PLEKHA5: variants seen among roughly 807,000 people sequenced by gnomAD.
The protein encoded by PLEKHA5 is pleckstrin homology domain-containing family A member 5.
PLEKHA5 carries 55 observed loss-of-function variants against 181.9 expected under a neutral mutation model. The ratio of observed to expected loss-of-function variants is 0.30; its 90% CI spans 0.24 to 0.38. The LOEUF is 0.38. Ranked by LOEUF, PLEKHA5 falls within the 10% of genes least tolerant of loss-of-function variation. The pLI is 1.00. For missense variants in PLEKHA5, 1,432 were observed against 1,549.5 expected, an observed-to-expected ratio of 0.92 and a Z score of 1.27; for synonymous variants, 535 against 529.4, an observed-to-expected ratio of 1.01 and a Z score of -0.15.
At chr12:19,335,418 A>G (rs1188583159) in intron 20 of PLEKHA5, among the ~76,000 whole-genome samples, 1 of 147,118 alleles carries the variant, frequency 6.8e-6, no homozygotes, top group Non-Finnish European at 1.5e-5. Flanking sequence ...CTTTTACTTT[A>G]TTTATTTTTT....
intron 3 of PLEKHA5, among the ~76,000 whole-genome samples, chr12:19,249,997 C>A (rs2064829494): frequency 6.6e-6 from 1 of 152,204 alleles, no homozygotes; most frequent in African/African-American, 2.4e-5. Flanking sequence ...GAGGGCTCTG[C>A]TCTGCATTAT....
At chr12:19,210,730 A>G (rs894831043) in intron 3 of PLEKHA5, among the ~76,000 whole-genome samples, 5 of 152,216 alleles carry the variant, frequency 3.3e-5, no homozygotes, top group Non-Finnish European at 5.9e-5. Flanking sequence ...TGCAGCAGTT[A>G]ATATCTAGCC....
intron 3 of PLEKHA5, among the ~76,000 whole-genome samples, chr12:19,244,861 G>C (rs2063365948): frequency 6.6e-6 from 1 of 152,064 alleles, no homozygotes; most frequent in Non-Finnish European, 1.5e-5. Flanking sequence ...GGCTGTTATT[G>C]GCAATATGTT....
At chr12:19,240,143 G>A (rs974506960) in intron 3 of PLEKHA5, among the ~76,000 whole-genome samples, 2 of 152,228 alleles carry the variant, frequency 1.3e-5, no homozygotes, top group African/African-American at 4.8e-5. Flanking sequence ...TGCACGATAC[G>A]GAATAAGTGA....
At chr12:19,302,064 T>G (rs754092045) in intron 15 of PLEKHA5, among the ~76,000 whole-genome samples, 12 of 152,234 alleles carry the variant, frequency 7.9e-5, no homozygotes, top group Non-Finnish European at 1.5e-4. Flanking sequence ...AGCTTATTGA[T>G]GTAGACACAG....
At chr12:19,164,935 G>A (rs1008337203) in intron 3 of PLEKHA5, among the ~76,000 whole-genome samples, 20 of 151,830 alleles carry the variant, frequency 1.3e-4, no homozygotes, top group African/African-American at 4.4e-4. Context: ...CCTCCCTGCC[G>A]TTTTTCCCCA....
At chr12:19,335,457 C>T (rs1451819187) in intron 20 of PLEKHA5, among the ~76,000 whole-genome samples, 4 of 151,262 alleles carry the variant, frequency 2.6e-5, no homozygotes, top group Admixed American at 2.6e-4. Context: ...GCACTGTCAC[C>T]CAGGGTGGAG....
intron 3 of PLEKHA5, among the ~76,000 whole-genome samples, chr12:19,173,601 T>G (rs1346801716): frequency 6.6e-6 from 1 of 152,162 alleles, no homozygotes; most frequent in African/African-American, 2.4e-5. Flanking sequence ...TTATTAGCAG[T>G]AAGACCTCAA....
At chr12:19,266,826 G>GACA in intron 8 of PLEKHA5, among the ~76,000 whole-genome samples, 1 of 152,084 alleles carries the variant, frequency 6.6e-6, no homozygotes, top group African/African-American at 2.4e-5. Flanking sequence ...TACTATAAGA[G>GACA]ACAACAATAT....
At chr12:19,167,405 A>ATTTTTTTTT (rs56086557) in intron 3 of PLEKHA5, among the ~76,000 whole-genome samples, 13 of 91,228 alleles carry the variant, frequency 1.4e-4, no homozygotes, top group East Asian at 7.4e-4. Flanking sequence ...CTGAGGCTTA[A>ATTTTTTTTT]TTTTTTTTTT....
intron 3 of PLEKHA5, among the ~76,000 whole-genome samples, chr12:19,233,964 C>T (rs1464359375): frequency 6.6e-6 from 1 of 152,158 alleles, no homozygotes; most frequent in Non-Finnish European, 1.5e-5. Flanking sequence ...TTTCCTAAAA[C>T]GTGGTTTGGG....
intron 13 of PLEKHA5, chr12:19,288,077 CAAAAAAA>C (rs9300127): frequency 2.1e-3 from 390 of 185,862 alleles, no homozygotes; most frequent in African/African-American, 0.012. Context: ...GACTCTGTCT[CAAAAAAA>C]AAAAAAAAAA....
Position 19,190,146 on chromosome 12 carries a change from C to A in PLEKHA5, c.227+57696C>A, listed in dbSNP as rs191676315. On this transcript the variant is annotated intron_variant, in intron 3 of 31. Coordinates refer to ENST00000429027, the MANE Select transcript of PLEKHA5 (RefSeq NM_001256470.2). ...CACTTCACCTTTTGAAAGAAAAAAC[C>A]CAATCTTGAAATCCTCCTTTATCTT... Among the ~76,000 whole-genome samples, 17 of 152,190 alleles carry A rather than the reference C, an allele frequency of 1.1e-4. No individual in the cohort carries two copies. In the East Asian group the frequency reaches 1.5e-3, roughly 14 times the overall value.
rs773109270 is a variant in PLEKHA5, at chr12:19,283,535, C to G, written c.1569C>G (p.Thr523=). 60 of 1,614,004 alleles carry G rather than the reference C, an allele frequency of 3.7e-5. No homozygotes were observed. The highest frequency in any genetic ancestry group is 4.8e-5 in the Non-Finnish European group (57 of 1,179,994). ...GTCAGTTTTATAACAAACAGAGCAC[C>G]CTCCCTCGACACAGTACTTTGAGTA... The part of the protein sequence containing the change: ...QQRQFYNKQS[T]LPRHSTLSSP... The change falls in exon 12 of 32, where the codon ACC becomes ACG. Residue 523 remains threonine (T), a synonymous_variant. Coordinates refer to ENST00000429027, the MANE Select transcript of PLEKHA5 (RefSeq NM_001256470.2).
intron 8 of PLEKHA5, among the ~76,000 whole-genome samples, chr12:19,268,262 C>G (rs2071232611): frequency 6.6e-6 from 1 of 152,116 alleles, no homozygotes; most frequent in Non-Finnish European, 1.5e-5. Context: ...GATATTAGCA[C>G]TATTATTAGG....
intron 3 of PLEKHA5, among the ~76,000 whole-genome samples, chr12:19,141,653 C>T (rs2037348846): frequency 6.6e-6 from 1 of 152,068 alleles, no homozygotes; most frequent in South Asian, 2.1e-4. Context: ...AGGCCAGGAC[C>T]AGGGAGGATG....
In PLEKHA5 at chr12:19,317,921, CTTTTTTT is replaced by C. The variant is rs71064082; in HGVS notation, c.2119-2082_2119-2076del. ...TTCGAATGAAGTATTCAAACCAAAC[CTTTTTTT>C]TTTTTTTTTTTTTTTTTGGCTAAAG... On this transcript the variant is annotated intron_variant, in intron 16 of 31. Coordinates refer to ENST00000429027, the MANE Select transcript of PLEKHA5 (RefSeq NM_001256470.2). Among the ~76,000 whole-genome samples the C allele has an allele frequency of 5.9e-4, 40 of 67,518 alleles. No homozygotes were observed. In the South Asian group the frequency reaches 0.019, roughly 31 times the overall value. The allele number at this position is 67,518 out of a possible 152,430, so 44.3% of individuals were successfully genotyped here. A position where few individuals can be genotyped will look rare whatever the true frequency, so the allele number is the denominator to read the frequency against.
chr12:19,146,157 C>T (rs1411424693), intron 3 of PLEKHA5, among the ~76,000 whole-genome samples: 2 of 152,166 alleles, frequency 1.3e-5, no homozygotes, highest in African/African-American at 4.8e-5. Flanking sequence ...CAGCTTTCTT[C>T]CAAAAAGTCT....
chr12:19,254,308 C>CT (rs1188744003), intron 4 of PLEKHA5, among the ~76,000 whole-genome samples: 1 of 152,238 alleles, frequency 6.6e-6, no homozygotes, highest in African/African-American at 2.4e-5. Flanking sequence ...GATTATTAAA[C>CT]TAATTTGAGC....
Sources: allele counts gnomAD v4.1 joint callset (sites outside exome capture counted in the v4.1 genomes callset), GRCh38; gene constraint gnomAD v4.1.1; transcripts MANE v1.5; gene names NCBI Gene and HGNC (gene_info 2026-07-23, HGNC 2026-07-21).